Variants in PTPN4 observed in about 807,000 individuals in gnomAD.
The protein encoded by PTPN4 is protein tyrosine phosphatase non-receptor type 4, also known as tyrosine-protein phosphatase non-receptor type 4.
PTPN4 carries 49 observed loss-of-function variants against 135.5 expected under a neutral mutation model. The observed-to-expected ratio is 0.36, with a 90% CI of 0.29 to 0.46. The LOEUF (loss-of-function observed/expected upper bound fraction) is 0.46, where lower values mean the gene tolerates loss of function less well. Ranked by LOEUF, PTPN4 falls within the 20% of genes least tolerant of loss-of-function variation. The probability of loss-of-function intolerance (pLI) is 1.00; values close to 1 mark genes in which losing one functional copy is unlikely to be tolerated. For synonymous variants in PTPN4, 333 were observed against 369.9 expected (o/e 0.90, Z 1.14); for missense variants, 860 against 1,101.0 (o/e 0.78, Z 3.10).
chr2:119,857,510 G>C (rs1677698814), intron 2 of PTPN4, among the ~76,000 whole-genome samples: 1 of 151,058 alleles, frequency 6.6e-6, no homozygotes, highest in Non-Finnish European at 1.5e-5. Context: ...CTCCAGCCTG[G>C]GTGACAGAGT....
chr2:119,821,874 T>C (rs569172871), intron 2 of PTPN4, among the ~76,000 whole-genome samples: 1 of 152,224 alleles, frequency 6.6e-6, no homozygotes, highest in South Asian at 2.1e-4. Context: ...TTTGAAAATA[T>C]TGCCTTCTAT....
At chr2:119,848,688 C>G (rs927696972) in intron 2 of PTPN4, among the ~76,000 whole-genome samples, 1 of 152,126 alleles carries the variant, frequency 6.6e-6, no homozygotes, top group Non-Finnish European at 1.5e-5. Context: ...GCCACCTCTG[C>G]CTCCTGGGTT....
chr2:119,761,151 T>C (rs1690485508), intron 1 of PTPN4, among the ~76,000 whole-genome samples: 1 of 152,218 alleles, frequency 6.6e-6, no homozygotes, highest in Admixed American at 6.5e-5. Context: ...TAATACTAAG[T>C]TTCTGTGTCC....
At chr2:119,879,893 CTGTT>C (rs1422410035) in intron 5 of PTPN4, among the ~76,000 whole-genome samples, 8 of 151,812 alleles carry the variant, frequency 5.3e-5, no homozygotes, top group African/African-American at 1.5e-4. Flanking sequence ...AAAGTTGACT[CTGTT>C]TGGTAGTGAG....
chr2:119,908,839 A>G (rs1678526935), intron 10 of PTPN4, among the ~76,000 whole-genome samples: 1 of 152,204 alleles, frequency 6.6e-6, no homozygotes, highest in African/African-American at 2.4e-5. Context: ...AATTGAAAGT[A>G]CTACTCCATT....
chr2:119,867,978 G>A (rs549549315), intron 3 of PTPN4, among the ~76,000 whole-genome samples: 32 of 152,136 alleles, frequency 2.1e-4, no homozygotes, highest in South Asian at 6.2e-4. Context: ...AGTGATAGGC[G>A]CAGACTACCT....
intron 1 of PTPN4, among the ~76,000 whole-genome samples, chr2:119,770,287 A>G (rs1382118138): frequency 6.6e-6 from 1 of 152,262 alleles, no homozygotes; most frequent in Non-Finnish European, 1.5e-5. Flanking sequence ...AAATAAGTAC[A>G]GATAAGTCAA....
intron 1 of PTPN4, among the ~76,000 whole-genome samples, chr2:119,801,527 C>G (rs572107934): frequency 1.0e-3 from 153 of 152,180 alleles, no homozygotes; most frequent in Non-Finnish European, 1.3e-3. Context: ...TGTTCCAGTC[C>G]GTGAACATAG....
chr2:119,774,230 G>A (rs1159070982), intron 1 of PTPN4, among the ~76,000 whole-genome samples: 1 of 152,196 alleles, frequency 6.6e-6, no homozygotes, highest in Non-Finnish European at 1.5e-5. Context: ...TAGTGATGCT[G>A]GAAGTGCTCC....
chr2:119,864,446 G>A (rs191744708), intron 3 of PTPN4, among the ~76,000 whole-genome samples: 12 of 152,188 alleles, frequency 7.9e-5, no homozygotes, highest in Admixed American at 2.6e-4. Flanking sequence ...ACCTCATTAA[G>A]TATACCTCGT....
At chr2:119,938,968 T>G (rs902686079) in intron 15 of PTPN4, among the ~76,000 whole-genome samples, 4 of 152,182 alleles carry the variant, frequency 2.6e-5, no homozygotes, top group Non-Finnish European at 4.4e-5. Context: ...TCAGACTAGG[T>G]TTAAAACGTG....
intron 2 of PTPN4, among the ~76,000 whole-genome samples, chr2:119,816,446 C>CT (rs1676988492): frequency 6.6e-6 from 1 of 152,104 alleles, no homozygotes; most frequent in African/African-American, 2.4e-5. Context: ...GGTCCCCGAC[C>CT]TTTTTGGCAC....
chr2:119,782,143 G>A (rs988410403), intron 1 of PTPN4, among the ~76,000 whole-genome samples: 8 of 152,262 alleles, frequency 5.3e-5, no homozygotes, highest in East Asian at 1.9e-4. Flanking sequence ...TTGGCTGGGC[G>A]CGGTGGCTCA....
intron 18 of PTPN4, among the ~76,000 whole-genome samples, chr2:119,947,094 C>A (rs924957502): frequency 6.6e-6 from 1 of 152,152 alleles, no homozygotes; most frequent in African/African-American, 2.4e-5. Flanking sequence ...CAATCATGAA[C>A]TTTCTGTTCA....
At chr2:119,958,986 T>C (rs1252825811) in intron 22 of PTPN4, among the ~76,000 whole-genome samples, 1 of 152,136 alleles carries the variant, frequency 6.6e-6, no homozygotes, top group Non-Finnish European at 1.5e-5. Context: ...AGGCACTACA[T>C]AGAATGCAAA....
At chr2:119,858,871 T>A (rs961674028) in intron 2 of PTPN4, among the ~76,000 whole-genome samples, 1 of 152,086 alleles carries the variant, frequency 6.6e-6, no homozygotes, top group South Asian at 2.1e-4. Context: ...CCTGACCTCG[T>A]AATCTGCCCA....
At chr2:119,959,911 A>G (rs1438248627) in intron 22 of PTPN4, among the ~76,000 whole-genome samples, 1 of 152,190 alleles carries the variant, frequency 6.6e-6, no homozygotes, top group African/African-American at 2.4e-5. Context: ...TTTATACAGT[A>G]GAGCCATTTA....
rs956550993 is a variant in PTPN4 at position 119,979,403 on chromosome 2, A to G, written c.*2333A>G. On this transcript the variant is annotated 3_prime_UTR_variant, in exon 27 of 27. Coordinates refer to ENST00000263708, the MANE Select transcript of PTPN4 (RefSeq NM_002830.4). ...CATCAATGCCTGTCTTTAAATGCCA[A>G]TCATTAGAAGTTTAGAATTACATTT... 1 of 152,154 alleles carries G rather than the reference A, an allele frequency of 6.6e-6. No individual in the cohort carries two copies. Among genetic ancestry groups the G allele is most frequent in the Admixed American group, 6.5e-5 (1 of 15,268 alleles). The allele number at this position is 152,154 out of a possible 1,614,324, so 9.4% of individuals were successfully genotyped here. A position where few individuals can be genotyped will look rare whatever the true frequency, so the allele number is the denominator to read the frequency against.
chr2:119,797,983 A>T (rs1691293300), intron 1 of PTPN4, among the ~76,000 whole-genome samples: 1 of 152,130 alleles, frequency 6.6e-6, no homozygotes, highest in African/African-American at 2.4e-5. Flanking sequence ...TTTTTTGAAC[A>T]TAAAAAGTAG....
Sources: allele counts gnomAD v4.1 joint callset (sites outside exome capture counted in the v4.1 genomes callset), GRCh38; gene constraint gnomAD v4.1.1; transcripts MANE v1.5; gene names NCBI Gene and HGNC (gene_info 2026-07-23, HGNC 2026-07-21).